CATSPERD: variants seen among roughly 807,000 people sequenced by gnomAD.
The protein encoded by CATSPERD is catsper channel auxiliary subunit delta.
In CATSPERD, 86 loss-of-function variants were observed where a neutral mutation model predicts 98.1. That is an observed-to-expected ratio of 0.88 (90% CI 0.74 to 1.05). CATSPERD has a LOEUF of 1.05. CATSPERD is among the 50% of genes least tolerant of loss of function. The pLI, the probability that CATSPERD is intolerant of heterozygous loss-of-function variation, is 0.00. For missense variants in CATSPERD, 995 were observed against 1,005.7 expected (o/e 0.99, Z 0.14); for synonymous variants, 394 against 390.2 (o/e 1.01, Z -0.12).
At chr19:5,774,613 T>C (rs4401153) in intron 20 of CATSPERD, among the ~76,000 whole-genome samples, 141,466 of 152,220 alleles carry the variant, frequency 0.93, 65,853 homozygotes, top group African/African-American at 0.97. Flanking sequence ...CGCTTGAACC[T>C]AGGAGGTGAA....
At chr19:5,747,990 T>G (rs1465984254) in intron 9 of CATSPERD, among the ~76,000 whole-genome samples, 170 bp from the exon 10 acceptor site, 2 of 152,096 alleles carry the variant, frequency 1.3e-5, no homozygotes, top group Non-Finnish European at 2.9e-5. Context: ...GTATTCTCCT[T>G]GATTCATTCT....
chr19:5,753,363 T>A (rs12980103), intron 12 of CATSPERD: 29,685 of 164,830 alleles, frequency 0.18, 2,833 homozygotes, highest in East Asian at 0.33. Context: ...GATCGAGACC[T>A]TCCTGGCTAA....
At chr19:5,748,132 C>T (rs1320914571) in intron 9 of CATSPERD, 28 bp from the exon 10 acceptor site, 2 of 1,587,928 alleles carry the variant, frequency 1.3e-6, no homozygotes, top group East Asian at 2.2e-5. Flanking sequence ...TACACGGGGC[C>T]TCATGCACCT....
intron 3 of CATSPERD, among the ~76,000 whole-genome samples, chr19:5,729,268 A>T (rs926722344): frequency 2.0e-5 from 3 of 150,714 alleles, no homozygotes; most frequent in Admixed American, 1.3e-4. Flanking sequence ...GCTAATTTTT[A>T]TGTGTGTTTT....
Position 5,728,856 on chromosome 19 carries a change from G to A in CATSPERD, c.204-1016G>A, listed in dbSNP as rs905245578. ...TGGGACTACAGGTGTGCACCACCACGCCTGACTAATTTTTGTATTTTTAGT... is the reference window on the plus strand; with the variant it reads ...TGGGACTACAGGTGTGCACCACCACACCTGACTAATTTTTGTATTTTTAGT... On this transcript the variant is annotated intron_variant, in intron 3 of 21. Transcript: ENST00000381624. Among the ~76,000 whole-genome samples the A allele has an allele frequency of 5.3e-5, 8 of 151,564 alleles. No individual in the cohort carries two copies. In the East Asian group the frequency reaches 1.2e-3, roughly 22 times the overall value.
chr19:5,730,399 C>T lies in CATSPERD; in HGVS notation c.276+455C>T, dbSNP rs181019416. ...CTCTACTAAAAATACAAAAATTACC[C>T]GGGCGTGGTGGCACGGGCCTGTAGT... On this transcript the variant is annotated intron_variant, in intron 4 of 21. Transcript: ENST00000381624. Among the ~76,000 whole-genome samples the T allele has an allele frequency of 2.3e-3, 344 of 151,750 alleles. 1 individual carries two copies. The highest frequency in any genetic ancestry group is 7.3e-3 in the African/African-American group (304 of 41,384).
chr19:5,760,575 G>T (rs1482760248), intron 15 of CATSPERD, among the ~76,000 whole-genome samples: 1 of 151,292 alleles, frequency 6.6e-6, no homozygotes, highest in Non-Finnish European at 1.5e-5. Flanking sequence ...AGGATGGGGG[G>T]TGCCAGGGGC....
chr19:5,776,068 T>A (rs1294598649), intron 20 of CATSPERD, 93 bp from the exon 21 acceptor site: 14 of 1,378,384 alleles, frequency 1.0e-5, no homozygotes, highest in African/African-American at 2.9e-5. Context: ...TAATGAGGAC[T>A]GGGGTGGGTG....
At chr19:5,768,583 A>C (rs545666251) in intron 18 of CATSPERD, among the ~76,000 whole-genome samples, 1 of 151,448 alleles carries the variant, frequency 6.6e-6, no homozygotes, top group African/African-American at 2.4e-5. Flanking sequence ...TGATCCGCCC[A>C]CCTCAGCCTC....
At chr19:5,724,906 G>A in intron 2 of CATSPERD, 44 bp downstream of exon 2, 1 of 1,585,516 alleles carries the variant, frequency 6.3e-7, no homozygotes, top group South Asian at 1.1e-5. Context: ...TTTTGTCTAA[G>A]TACAGGATCA....
chr19:5,747,448 G>A (rs944352337), intron 9 of CATSPERD, among the ~76,000 whole-genome samples: 7 of 151,972 alleles, frequency 4.6e-5, no homozygotes, highest in Non-Finnish European at 8.8e-5. Flanking sequence ...GATTACAGAT[G>A]AGAGCCACCA....
At chr19:5,760,717 C>T (rs1339664071) in intron 15 of CATSPERD, among the ~76,000 whole-genome samples, 1 of 152,022 alleles carries the variant, frequency 6.6e-6, no homozygotes, top group South Asian at 2.1e-4. Flanking sequence ...ATGAATGGTG[C>T]ACTTAAAATG....
chr19:5,761,043 T>G (rs1599573998), intron 15 of CATSPERD, among the ~76,000 whole-genome samples: 1 of 12,064 alleles, frequency 8.3e-5, no homozygotes. Context: ...TTTGTTTTTG[T>G]TTTTTTTTTT....
At chr19:5,727,740 C>A (rs1334501847) in intron 3 of CATSPERD, among the ~76,000 whole-genome samples, 1 of 152,116 alleles carries the variant, frequency 6.6e-6, no homozygotes, top group Non-Finnish European at 1.5e-5. Context: ...AATAAAAACA[C>A]CATGCTTAGC....
chr19:5,768,390 G>A, intron 18 of CATSPERD, 148 bp downstream of exon 18: 2 of 367,134 alleles, frequency 5.4e-6, no homozygotes, highest in East Asian at 1.3e-4. Flanking sequence ...AGGCTGGAGT[G>A]CAGTGGCGCG....
chr19:5,778,111 G>A (rs753672741), intron 21 of CATSPERD, among the ~76,000 whole-genome samples: 1 of 151,172 alleles, frequency 6.6e-6, no homozygotes, highest in South Asian at 2.1e-4. Context: ...GGAGGCTGAG[G>A]CAGGAGAATT....
At chr19:5,765,198 T>G (rs977556173) in intron 16 of CATSPERD, among the ~76,000 whole-genome samples, 2 of 152,180 alleles carry the variant, frequency 1.3e-5, no homozygotes, top group African/African-American at 2.4e-5. Flanking sequence ...CGTGAGCCAC[T>G]GCGCCTGGCC....
Position 5,757,866 on chromosome 19 carries a change from C to T in CATSPERD, c.1302C>T (p.Ser434=). Residue 434 remains serine (S), a synonymous_variant, in exon 14 of 22, where the codon TCC becomes TCT. Transcript: ENST00000381624. ...IPLVMVSNPH[S]LGFQATFYEN... The stretch of plus-strand genomic sequence containing the variant: ...AGGTGATGGTGAGCAACCCCCACTC[C>T]CTGGGGTTCCAGGCCACCTTCTACG... The T allele has an allele frequency of 6.2e-7, 1 of 1,613,320 alleles. No individual in the cohort carries two copies. Among genetic ancestry groups the T allele is most frequent in the Non-Finnish European group, 8.5e-7 (1 of 1,179,784 alleles).
rs139973302 is a variant in CATSPERD, at chr19:5,735,352, C to T, written c.391+1382C>T. On this transcript the variant is annotated intron_variant, in intron 5 of 21. Coordinates refer to ENST00000381624, the MANE Select transcript of CATSPERD (RefSeq NM_152784.4). Reference sequence around the variant, plus strand: ...TGAGATGGAGTTTCGCTGTTGTTGCCCAGGCTGGAGTGCGATCGCACGATC... The same window carrying T: ...TGAGATGGAGTTTCGCTGTTGTTGCTCAGGCTGGAGTGCGATCGCACGATC... Among the ~76,000 whole-genome samples, 73 of 152,100 alleles carry T rather than the reference C, an allele frequency of 4.8e-4. No individual in the cohort carries two copies. In the East Asian group the frequency reaches 7.5e-3, roughly 16 times the overall value.
Sources: allele counts gnomAD v4.1 joint callset (sites outside exome capture counted in the v4.1 genomes callset), GRCh38; gene constraint gnomAD v4.1.1; transcripts MANE v1.5; gene names NCBI Gene and HGNC (gene_info 2026-07-23, HGNC 2026-07-21).